HAPSTR1: variants seen among roughly 807,000 people sequenced by gnomAD.
HAPSTR1 encodes the protein HUWE1-associated protein modifying stress responses 1.
At chr16:9,120,990 T>G in the HAPSTR1 span, 3 of 152,308 alleles carry the variant, frequency 2.0e-5, no homozygotes, top group Non-Finnish European at 2.9e-5. Flanking sequence ...TTTTTCTTGT[T>G]TTTTGAGATG....
At chr16:9,095,009 T>A in the HAPSTR1 span, among the ~76,000 whole-genome samples, 1 of 152,258 alleles carries the variant, frequency 6.6e-6, no homozygotes, top group Non-Finnish European at 1.5e-5. Context: ...GTTTACAATT[T>A]GTTTGTTTTC....
At chr16:9,105,481 G>A in the HAPSTR1 span, 4 of 152,292 alleles carry the variant, frequency 2.6e-5, no homozygotes, top group African/African-American at 7.2e-5. Context: ...GTATTAAGGA[G>A]AATGGTAGTT....
chr16:9,091,682 T>C, the HAPSTR1 span: 3 of 398,706 alleles, frequency 7.5e-6, no homozygotes, highest in African/African-American at 2.1e-5. Context: ...CAGGCCGAGC[T>C]GCGCGGAGGG....
the HAPSTR1 span, among the ~76,000 whole-genome samples, chr16:9,097,233 C>A: frequency 7.3e-6 from 1 of 137,206 alleles, no homozygotes; most frequent in Admixed American, 7.7e-5. Flanking sequence ...AGCCACCGCG[C>A]CTGGCTCTTT....
At chr16:9,113,680 C>G in the HAPSTR1 span, among the ~76,000 whole-genome samples, 1 of 152,098 alleles carries the variant, frequency 6.6e-6, no homozygotes. Context: ...ATAATAATTA[C>G]CTTTTGGATT....
the HAPSTR1 span, among the ~76,000 whole-genome samples, chr16:9,094,956 G>A: frequency 2.0e-5 from 3 of 152,304 alleles, no homozygotes; most frequent in Admixed American, 2.0e-4. Flanking sequence ...TTCAGCAGTT[G>A]AACTCTGAAA....
At chr16:9,116,619 A>G in the HAPSTR1 span, 30 of 1,586,854 alleles carry the variant, frequency 1.9e-5, no homozygotes, top group East Asian at 5.9e-4. Context: ...GTTGCTTTCA[A>G]AAGGGTTACA....
At chr16:9,092,892 G>GTTTTTTTTTTTTTTTGGT in the HAPSTR1 span, 2 of 1,267,502 alleles carry the variant, frequency 1.6e-6, no homozygotes, top group Admixed American at 2.3e-5. Context: ...TTTCTTTTTG[G>GTTTTTTTTTTTTTTTGGT]TTTTTTTTTT....
At chr16:9,105,238 C>T in the HAPSTR1 span, 1 of 152,160 alleles carries the variant, frequency 6.6e-6, no homozygotes, top group South Asian at 2.1e-4. Flanking sequence ...GGCTTTAAAA[C>T]TTAAATATAA....
chr16:9,093,042 C>A, the HAPSTR1 span: 1 of 1,559,674 alleles, frequency 6.4e-7, no homozygotes, highest in Non-Finnish European at 8.8e-7. Flanking sequence ...AGGGAAGGGC[C>A]GCCTGCGTCA....
chr16:9,116,494 G>A, the HAPSTR1 span, among the ~76,000 whole-genome samples: 6 of 152,074 alleles, frequency 3.9e-5, no homozygotes, highest in Non-Finnish European at 7.4e-5. Flanking sequence ...TAAAATATAT[G>A]TCAAGGCCAG....
the HAPSTR1 span, among the ~76,000 whole-genome samples, chr16:9,099,375 T>G: frequency 6.6e-6 from 1 of 152,070 alleles, no homozygotes; most frequent in Non-Finnish European, 1.5e-5. Flanking sequence ...TTTTTATATT[T>G]TGAGATGAGG....
the HAPSTR1 span, chr16:9,117,921 A>G: frequency 6.6e-6 from 1 of 152,668 alleles, no homozygotes; most frequent in Non-Finnish European, 1.5e-5. Flanking sequence ...TGTGATTGCA[A>G]CTTAAAATAG....
chr16:9,092,899 T>C, the HAPSTR1 span: 4 of 1,538,550 alleles, frequency 2.6e-6, no homozygotes, highest in Non-Finnish European at 3.5e-6. Flanking sequence ...TTGGTTTTTT[T>C]TTTTTTTGGC....
chr16:9,098,965 A>G, the HAPSTR1 span, among the ~76,000 whole-genome samples: 1 of 152,286 alleles, frequency 6.6e-6, no homozygotes, highest in Non-Finnish European at 1.5e-5. Context: ...TCAAAAAGCT[A>G]TAAGTAGAGT....
the HAPSTR1 span, among the ~76,000 whole-genome samples, chr16:9,096,159 A>G: frequency 1.3e-5 from 2 of 152,148 alleles, no homozygotes; most frequent in African/African-American, 2.4e-5. Context: ...TCCTTGACTT[A>G]ATTAACTTAA....
chr16:9,106,869 A>T, the HAPSTR1 span: 1 of 152,154 alleles, frequency 6.6e-6, no homozygotes, highest in Non-Finnish European at 1.5e-5. Context: ...ACTCGTTTTT[A>T]TGTAAACAGC....
At chr16:9,101,456 A>G in the HAPSTR1 span, among the ~76,000 whole-genome samples, 1 of 152,170 alleles carries the variant, frequency 6.6e-6, no homozygotes, top group Non-Finnish European at 1.5e-5. Context: ...ATATGAATGC[A>G]CTCTATAGCA....
At chr16:9,101,787 A>G in the HAPSTR1 span, among the ~76,000 whole-genome samples, 48 of 145,076 alleles carry the variant, frequency 3.3e-4, no homozygotes, top group African/African-American at 1.2e-3. Context: ...TTGTTTGACT[A>G]TTGCCCATCC....
Sources: gnomAD v4.1 joint callset for allele counts (sites outside exome capture counted in the v4.1 genomes callset) on GRCh38, gnomAD v4.1.1 for gene constraint, MANE v1.5 for transcripts, NCBI Gene and HGNC (gene_info 2026-07-23, HGNC 2026-07-21) for gene names.